The following RBMS3 variants were observed in gnomAD, a reference collection of about 807,000 sequenced individuals.
RBMS3 encodes RNA binding motif single stranded interacting protein 3, also known as RNA-binding motif, single-stranded-interacting protein 3.
In RBMS3, 27 loss-of-function variants were observed where a neutral mutation model predicts 66.8. That is an observed-to-expected ratio of 0.40 (90% CI 0.30 to 0.56). The LOEUF (loss-of-function observed/expected upper bound fraction) is 0.56. Ranked by LOEUF, RBMS3 falls within the 20% of genes least tolerant of loss-of-function variation. The pLI, the probability that RBMS3 is intolerant of heterozygous loss-of-function variation, is 0.40. For missense variants in RBMS3, 513 were observed against 549.5 expected, an observed-to-expected ratio of 0.93 and a Z score of 0.66; for synonymous variants, 188 against 183.0, an observed-to-expected ratio of 1.03 and a Z score of -0.22.
chr3:29,469,385 T>C (rs369128816), intron 2 of RBMS3, among the ~76,000 whole-genome samples: 5 of 152,030 alleles, frequency 3.3e-5, no homozygotes, highest in African/African-American at 1.2e-4. Flanking sequence ...TACCAGTAGA[T>C]AGATATGAGA....
At chr3:29,737,314 G>A (rs1054805369) in intron 4 of RBMS3, among the ~76,000 whole-genome samples, 1 of 152,102 alleles carries the variant, frequency 6.6e-6, no homozygotes, top group African/African-American at 2.4e-5. Context: ...TTAAGCCCCA[G>A]AGGTATGTTT....
At chr3:29,803,856 A>T (rs1269219758) in intron 6 of RBMS3, among the ~76,000 whole-genome samples, 1 of 152,092 alleles carries the variant, frequency 6.6e-6, no homozygotes, top group Non-Finnish European at 1.5e-5. Flanking sequence ...TATTGTAATT[A>T]TTGTCAAATG....
intron 5 of RBMS3, among the ~76,000 whole-genome samples, chr3:29,761,929 A>C (rs1043219952): frequency 5.3e-5 from 8 of 152,238 alleles, no homozygotes; most frequent in Admixed American, 3.3e-4. Flanking sequence ...ACTCTTTGGA[A>C]GACTTAATTT....
At chr3:29,305,969 A>C (rs1341434483) in intron 1 of RBMS3, among the ~76,000 whole-genome samples, 1 of 152,010 alleles carries the variant, frequency 6.6e-6, no homozygotes, top group African/African-American at 2.4e-5. Flanking sequence ...ATGAACATCA[A>C]CAGACCAGGG....
chr3:29,809,476 T>C (rs940527517), intron 6 of RBMS3, among the ~76,000 whole-genome samples: 1 of 151,990 alleles, frequency 6.6e-6, no homozygotes, highest in African/African-American at 2.4e-5. Context: ...TTATTTTAGG[T>C]GAGACAATAA....
chr3:29,446,279 C>T (rs2041828583), intron 2 of RBMS3, among the ~76,000 whole-genome samples: 1 of 152,030 alleles, frequency 6.6e-6, no homozygotes, highest in African/African-American at 2.4e-5. Context: ...ATTATTGTTA[C>T]TCACTTATGC....
At chr3:29,839,830 A>G (rs1215807538) in intron 6 of RBMS3, among the ~76,000 whole-genome samples, 1 of 151,864 alleles carries the variant, frequency 6.6e-6, no homozygotes, top group Non-Finnish European at 1.5e-5. Flanking sequence ...ATTGTTTGAA[A>G]TGCTAAAATA....
chr3:29,700,701 A>G (rs2149287471), intron 4 of RBMS3, among the ~76,000 whole-genome samples: 1 of 152,160 alleles, frequency 6.6e-6, no homozygotes, highest in Admixed American at 6.5e-5. Flanking sequence ...AAGTGAAGAC[A>G]AGCTATAATT....
chr3:29,734,671 C>T (rs142231871), intron 4 of RBMS3, among the ~76,000 whole-genome samples: 4 of 151,990 alleles, frequency 2.6e-5, no homozygotes, highest in Non-Finnish European at 5.9e-5. Context: ...CAGTTCTACT[C>T]AAAGTTTGTT....
intron 4 of RBMS3, among the ~76,000 whole-genome samples, chr3:29,708,316 T>TA (rs1367128592): frequency 6.6e-6 from 1 of 152,190 alleles, no homozygotes; most frequent in Non-Finnish European, 1.5e-5. Context: ...ATTATGTTGT[T>TA]AAATAGTCAC....
intron 1 of RBMS3, chr3:29,390,823 T>TTC: frequency 6.5e-6 from 1 of 155,036 alleles, no homozygotes; most frequent in African/African-American, 2.4e-5. Context: ...CATTGAAAAT[T>TTC]GGGATTCACC....
intron 12 of RBMS3, among the ~76,000 whole-genome samples, chr3:29,978,016 T>C (rs1697713018): frequency 6.6e-6 from 1 of 152,150 alleles, no homozygotes; most frequent in Admixed American, 6.6e-5. Context: ...GGTCGTTCTC[T>C]TAGTCCTCTG....
chr3:29,793,239 A>AG (rs1553669808), intron 6 of RBMS3, among the ~76,000 whole-genome samples: 2 of 151,746 alleles, frequency 1.3e-5, no homozygotes, highest in South Asian at 2.1e-4. Context: ...TCAAAAAAAA[A>AG]AAGAAAAAGG....
At chr3:29,986,612 T>G (rs555710748) in intron 12 of RBMS3, among the ~76,000 whole-genome samples, 1 of 152,308 alleles carries the variant, frequency 6.6e-6, no homozygotes, top group Admixed American at 6.5e-5. Context: ...CAGGGAACTG[T>G]TATCTACAAC....
chr3:29,476,254 A>C (rs1226235636), intron 2 of RBMS3, among the ~76,000 whole-genome samples: 1 of 152,234 alleles, frequency 6.6e-6, no homozygotes, highest in Non-Finnish European at 1.5e-5. Context: ...ATAGGCAATT[A>C]AAAGATTGTG....
intron 3 of RBMS3, among the ~76,000 whole-genome samples, chr3:29,515,986 T>C (rs1157856281): frequency 3.3e-5 from 5 of 152,096 alleles, no homozygotes; most frequent in East Asian, 1.9e-4. Context: ...TCCGTCAAAA[T>C]TGATATTGGA....
At chr3:29,973,441 G>T in intron 12 of RBMS3, among the ~76,000 whole-genome samples, 1 of 151,982 alleles carries the variant, frequency 6.6e-6, no homozygotes, top group East Asian at 1.9e-4. Context: ...AAGGAGAAAT[G>T]AGTTCTCCAG....
chr3:29,315,663 C>T (rs946475782), intron 1 of RBMS3, among the ~76,000 whole-genome samples: 6 of 151,712 alleles, frequency 4.0e-5, no homozygotes, highest in Non-Finnish European at 8.8e-5. Flanking sequence ...TACTGTTAAA[C>T]ATTAAACTTG....
chr3:29,311,510 T>C (rs1386316664), intron 1 of RBMS3, among the ~76,000 whole-genome samples: 1 of 151,784 alleles, frequency 6.6e-6, no homozygotes, highest in Non-Finnish European at 1.5e-5. Flanking sequence ...CCAAAAAATG[T>C]TGGCATTATG....
Sources: gnomAD v4.1 joint callset for allele counts (sites outside exome capture counted in the v4.1 genomes callset) on GRCh38, gnomAD v4.1.1 for gene constraint, MANE v1.5 for transcripts, NCBI Gene and HGNC (gene_info 2026-07-23, HGNC 2026-07-21) for gene names.